The following HBS1L variants were observed in gnomAD, a reference collection of about 807,000 sequenced individuals.
The protein encoded by HBS1L is HBS1 like translational GTPase.
Under a neutral mutation model 88.9 loss-of-function variants are expected in HBS1L, and 55 were observed. The observed-to-expected ratio is 0.62, with a 90% CI of 0.50 to 0.77. The LOEUF is 0.77. HBS1L is among the 30% of genes least tolerant of loss of function. HBS1L has a pLI of 0.00. For missense variants in HBS1L, 741 were observed against 829.3 expected, an observed-to-expected ratio of 0.89 and a Z score of 1.31; for synonymous variants, 267 against 288.5, an observed-to-expected ratio of 0.93 and a Z score of 0.76.
At chr6:134,969,429 G>C (rs1367570005) in intron 15 of HBS1L, 91 bp from the exon 16 acceptor site, 3 of 779,486 alleles carry the variant, frequency 3.8e-6, no homozygotes, top group African/African-American at 1.7e-5. Context: ...CTTCAATTCA[G>C]TGCTACTGCT....
intron 4 of HBS1L, among the ~76,000 whole-genome samples, chr6:135,009,437 CA>C (rs1309355736): frequency 1.3e-5 from 2 of 151,744 alleles, no homozygotes; most frequent in South Asian, 4.2e-4. Context: ...AAAGAGGAGG[CA>C]AAAATAATAT....
rs1442371996 is a variant in HBS1L, at chr6:134,985,405, G to A, written c.1428C>T (p.Ser476=). The A allele has an allele frequency of 1.3e-6, 2 of 1,587,856 alleles. No individual in the cohort carries two copies. The highest frequency in any genetic ancestry group is 1.7e-6 in the Non-Finnish European group (2 of 1,169,478). ...KGLCLLEQID[S]FKPPQRSIDK... ...CAATAGATCGCTGGGGAGGCTTAAA[G>A]GAATCTGGAAAAAAGAAATTGCAAA... Residue 476 remains serine (S), a synonymous_variant, in exon 12 of 18, where the codon TCC becomes TCT. Transcript: ENST00000367837.
chr6:134,994,295 A>G (rs994884332), intron 7 of HBS1L, among the ~76,000 whole-genome samples: 16 of 152,122 alleles, frequency 1.1e-4, no homozygotes, highest in Non-Finnish European at 1.9e-4. Flanking sequence ...TATAGAAATG[A>G]GCTTATAAAA....
Position 134,997,614 on chromosome 6 carries a change from T to C in HBS1L, c.582A>G (p.Gln194=). The C allele has an allele frequency of 6.2e-7, 1 of 1,613,990 alleles. No individual in the cohort carries two copies. Among genetic ancestry groups the C allele is most frequent in the Non-Finnish European group, 8.5e-7 (1 of 1,179,902 alleles). The part of the protein sequence containing the change: ...EENGHSFHTP[Q]KGPPIEDAIA... Reference sequence around the variant, plus strand: ...TGGCATCTTCAATGGGCGGTCCTTTTTGAGGTGTGTGGAAACTATGACCAT... The same window carrying C: ...TGGCATCTTCAATGGGCGGTCCTTTCTGAGGTGTGTGGAAACTATGACCAT... The change falls in exon 6 of 18, where the codon CAA becomes CAG. Residue 194 remains glutamine (Q), a synonymous_variant. Coordinates refer to ENST00000367837, the MANE Select transcript of HBS1L (RefSeq NM_006620.4).
intron 4 of HBS1L, among the ~76,000 whole-genome samples, chr6:135,013,700 A>G (rs1291042210): frequency 2.0e-5 from 3 of 152,188 alleles, no homozygotes; most frequent in Non-Finnish European, 2.9e-5. Flanking sequence ...GAGATAGAGA[A>G]AGGAATATTT....
At position 134,989,411 on chromosome 6, in the gene HBS1L, G is replaced by C. The variant is rs186069798; in HGVS notation, c.1084-1620C>G. On this transcript the variant is annotated intron_variant, in intron 8 of 17. Coordinates refer to ENST00000367837, the MANE Select transcript of HBS1L (RefSeq NM_006620.4). ...TACATGATAATCACTATCTCTCCAG[G>C]GTCCTCTTATATTCCATCCACATCA... 2.4e-3 allele frequency among the ~76,000 whole-genome samples: 364 copies of C among 151,918 alleles called. 2 individuals carry two copies. The highest frequency in any genetic ancestry group is 8.6e-3 in the African/African-American group (357 of 41,414).
At position 135,027,658 on chromosome 6, in the gene HBS1L, A is replaced by G. The variant is rs1776272773; in HGVS notation, c.430+11915T>C. ...TTCCAATCTAACAGTTTATTTAAAT[A>G]GAGATCTGAAATTTACATGGCAAAA... On this transcript the variant is annotated intron_variant, in intron 4 of 17. Coordinates refer to ENST00000367837, the MANE Select transcript of HBS1L (RefSeq NM_006620.4). Among the ~76,000 whole-genome samples, 7 of 152,354 alleles carry G rather than the reference A, an allele frequency of 4.6e-5. No individual in the cohort carries two copies. In the South Asian group the frequency reaches 1.4e-3, roughly 32 times the overall value.
chr6:135,051,831 CACTA>C (rs1288551321), intron 1 of HBS1L, among the ~76,000 whole-genome samples: 1 of 152,166 alleles, frequency 6.6e-6, no homozygotes, highest in Non-Finnish European at 1.5e-5. Context: ...ATTTGACAAA[CACTA>C]ACACCATGCC....
intron 8 of HBS1L, among the ~76,000 whole-genome samples, chr6:134,991,550 T>C (rs1037138324): frequency 2.4e-4 from 36 of 152,230 alleles, no homozygotes; most frequent in African/African-American, 8.4e-4. Flanking sequence ...TATATTAAAC[T>C]GAATGCATGT....
At chr6:135,051,472 T>C (rs992479305) in intron 1 of HBS1L, among the ~76,000 whole-genome samples, 1 of 152,186 alleles carries the variant, frequency 6.6e-6, no homozygotes, top group Non-Finnish European at 1.5e-5. Context: ...GCCCTTTTTT[T>C]CTGCTTCCTG....
chr6:134,980,340 A>C (rs756687230), intron 13 of HBS1L, among the ~76,000 whole-genome samples: 2 of 151,980 alleles, frequency 1.3e-5, no homozygotes, highest in African/African-American at 2.4e-5. Context: ...CATTAATCTG[A>C]GAAAAGAAGG....
Position 135,041,701 on chromosome 6 carries a change from T to C in HBS1L, c.235+300A>G, listed in dbSNP as rs1334054662. 5.3e-5 allele frequency among the ~76,000 whole-genome samples: 8 copies of C among 152,282 alleles called. No individual in the cohort carries two copies. The East Asian group carries it at 1.4e-3, about 26-fold the overall frequency. ...CAGCTTATGAAACAATTAAATCATC[T>C]GAAAAAGTTCTTCTTAACGAATCAC... On this transcript the variant is annotated intron_variant, in intron 3 of 17. Coordinates refer to ENST00000367837, the MANE Select transcript of HBS1L (RefSeq NM_006620.4).
In HBS1L at chr6:135,015,823, TCCACCCA is replaced by T. The variant is rs998869472; in HGVS notation, c.431-12988_431-12982del. On this transcript the variant is annotated intron_variant, in intron 4 of 17. Transcript: ENST00000367837. Reference sequence around the variant, plus strand: ...GTCTTGAACTCCTGAGCTCAAGCAATCCACCCACCTCAGCCTCCCAAAGTGCTGGGAT... The same window carrying T: ...GTCTTGAACTCCTGAGCTCAAGCAATCCTCAGCCTCCCAAAGTGCTGGGAT... Among the ~76,000 whole-genome samples the T allele has an allele frequency of 7.1e-4, 107 of 150,934 alleles. 1 individual carries two copies. The highest frequency in any genetic ancestry group is 1.4e-3 in the Non-Finnish European group (94 of 67,900).
chr6:134,968,210 G>C (rs964056902), intron 16 of HBS1L, among the ~76,000 whole-genome samples: 16 of 151,700 alleles, frequency 1.1e-4, no homozygotes, highest in African/African-American at 3.6e-4. Flanking sequence ...AAGCCAAACT[G>C]CAATTAGCCT....
Position 135,003,568 on chromosome 6 carries a change from T to TA in HBS1L, c.431-727dup, listed in dbSNP as rs35996451. On this transcript the variant is annotated intron_variant, in intron 4 of 17. Transcript: ENST00000367837. ...GGTGACAAAGCAAGACTCCATCTCT[T>TA]AAAAAAAAAAAAAAAAAGGCCAGGC... Among the ~76,000 whole-genome samples the TA allele has an allele frequency of 5.3e-3, 686 of 128,308 alleles. 13 individuals carry two copies. Among genetic ancestry groups the TA allele is most frequent in the East Asian group, 0.015 (67 of 4,388 alleles). The allele number at this position is 128,308 out of a possible 152,430, so 84.2% of individuals were successfully genotyped here.
rs562783458 is a variant in HBS1L at position 134,979,242 on chromosome 6, C to T, written c.1624G>A (p.Asp542Asn). 1.8e-5 allele frequency: 29 copies of T among 1,611,996 alleles called. No homozygotes were observed. The highest frequency in any genetic ancestry group is 2.2e-5 in the Non-Finnish European group (26 of 1,178,564). ...ACATGATCGCCTGCTGCCGCCCAGT[C>T]GACAGGTTCATCATGCAGAGTGATT... The part of the protein sequence containing the change: ...KGITLHDEPV[D>N]WAAAGDHVSL... Residue 542 changes from aspartate to asparagine, a missense_variant, in exon 14 of 18, where the codon GAC becomes AAC. Around this residue, in one of 3 missense-constraint regions of HBS1L, gnomAD observed 181 missense variants for 212.7 expected, o/e 0.85. Coordinates refer to ENST00000367837, the MANE Select transcript of HBS1L (RefSeq NM_006620.4).
At chr6:135,045,746 A>C (rs1331508994) in intron 2 of HBS1L, among the ~76,000 whole-genome samples, 1 of 152,112 alleles carries the variant, frequency 6.6e-6, no homozygotes, top group East Asian at 1.9e-4. Context: ...GAGGCGTGAG[A>C]ACTGCTTGAA....
intron 6 of HBS1L, 97 bp downstream of exon 6, chr6:134,997,300 C>T (rs1775316811): frequency 1.4e-6 from 2 of 1,424,982 alleles, no homozygotes; most frequent in South Asian, 2.5e-5. Flanking sequence ...TCTGTCCATT[C>T]CACCCATGGA....
chr6:135,028,567 A>G (rs1255575319), intron 4 of HBS1L, among the ~76,000 whole-genome samples: 1 of 152,174 alleles, frequency 6.6e-6, no homozygotes, highest in Non-Finnish European at 1.5e-5. Flanking sequence ...TTGTAAAACC[A>G]TCACAAGAAA....
Sources: gnomAD v4.1 joint callset for allele counts (sites outside exome capture counted in the v4.1 genomes callset) on GRCh38, gnomAD v4.1.1 for gene constraint, gnomAD v4.1.1 regional missense constraint, MANE v1.5 for transcripts, NCBI Gene and HGNC (gene_info 2026-07-23, HGNC 2026-07-21) for gene names.